Variants in NEK5 observed in about 807,000 individuals in gnomAD.
NEK5 encodes serine/threonine-protein kinase Nek5.
A neutral mutation model predicts 109.2 loss-of-function variants in NEK5; 88 were observed. That is an observed-to-expected ratio of 0.81 (90% CI 0.68 to 0.96). The LOEUF (loss-of-function observed/expected upper bound fraction) is 0.96. Among genes scored for constraint, NEK5 ranks in the 40% least tolerant of loss-of-function variants. The pLI is 0.00. For missense variants in NEK5, 834 were observed against 920.7 expected (o/e 0.91, Z 1.22); for synonymous variants, 283 against 299.9 (o/e 0.94, Z 0.58).
Position 52,104,070 on chromosome 13 carries a change from G to A in NEK5, c.609+428C>T, listed in dbSNP as rs565684591. Among the ~76,000 whole-genome samples the A allele has an allele frequency of 9.2e-5, 14 of 151,980 alleles. No homozygotes were observed. The South Asian group carries it at 2.9e-3, about 32-fold the overall frequency. On this transcript the variant is annotated intron_variant, in intron 9 of 23. Coordinates refer to ENST00000684899, the MANE Select transcript of NEK5 (RefSeq NM_001365552.1). ...TGCCTCCTGGGTTCTAGCAATTCTC[G>A]TGCCTCAGCCTCCCAACTAGCTGGG...
Position 52,075,753 on chromosome 13 carries a change from C to A in NEK5, c.1722+5G>T. 1 of 1,527,832 alleles carries A rather than the reference C, an allele frequency of 6.5e-7. No homozygotes were observed. The highest frequency in any genetic ancestry group is 8.9e-7 in the Non-Finnish European group (1 of 1,125,718). 94.6% of individuals were successfully genotyped at this position (1,527,832 alleles called of 1,614,324 possible). ...ACTAATGGAAATTTAGACTTAATGG[C>A]ATACCTCTTCCTCTTGGAGGATGTT... On this transcript the variant is annotated splice_donor_5th_base_variant and intron_variant, in intron 19 of 23. Coordinates refer to ENST00000684899, the MANE Select transcript of NEK5 (RefSeq NM_001365552.1).
chr13:52,120,507 A>C (rs539051924), intron 3 of NEK5, among the ~76,000 whole-genome samples: 1 of 152,158 alleles, frequency 6.6e-6, no homozygotes, highest in African/African-American at 2.4e-5. Flanking sequence ...AAACACCCCA[A>C]CAGAAAAATA....
intron 23 of NEK5, among the ~76,000 whole-genome samples, chr13:52,043,688 T>C (rs1954433365): frequency 6.6e-6 from 1 of 152,100 alleles, no homozygotes; most frequent in African/African-American, 2.4e-5. Flanking sequence ...AGCAGATATC[T>C]GACAAAGAAC....
intron 11 of NEK5, among the ~76,000 whole-genome samples, chr13:52,100,407 A>G (rs1444836326): frequency 6.6e-6 from 1 of 152,214 alleles, no homozygotes; most frequent in East Asian, 1.9e-4. Flanking sequence ...GATTACAGGC[A>G]TGGGCCACCA....
intron 20 of NEK5, among the ~76,000 whole-genome samples, chr13:52,068,842 G>A (rs114677971): frequency 4.6e-4 from 70 of 152,040 alleles, no homozygotes; most frequent in African/African-American, 1.4e-3. Context: ...GCGTGGTGGC[G>A]CGCACCTATG....
In NEK5 at chr13:52,110,550, G is replaced by C. The variant is rs1438970796; in HGVS notation, c.340C>G (p.Leu114Val). Reference protein sequence around the residue: ...QILGWFVQISLGLKHIHDRKI... With the variant: ...QILGWFVQISVGLKHIHDRKI... ...CTGTCATGAATATGTTTTAGTCCTA[G>C]AGAAATCTGTACAAACCAACCGAGG... is the stretch of plus-strand genomic sequence containing the variant. The change falls in exon 6 of 24, where the codon CTA becomes GTA. Residue 114 changes from leucine to valine, a missense_variant. Transcript: ENST00000684899. 1.2e-6 allele frequency: 2 copies of C among 1,611,876 alleles called. No homozygotes were observed. The highest frequency in any genetic ancestry group is 1.3e-5 in the African/African-American group (1 of 74,834).
Position 52,107,934 on chromosome 13 carries a change from G to C in NEK5, c.554+384C>G, listed in dbSNP as rs571634505. Among the ~76,000 whole-genome samples, 14 of 152,276 alleles carry C rather than the reference G, an allele frequency of 9.2e-5. No individual in the cohort carries two copies. The South Asian group carries it at 2.9e-3, about 32-fold the overall frequency. On this transcript the variant is annotated intron_variant, in intron 8 of 23. Coordinates refer to ENST00000684899, the MANE Select transcript of NEK5 (RefSeq NM_001365552.1). ...GAAAGTCTTCAGGACTCAGACCTTA[G>C]TTATAGATTAAAAGGAGTTAATCAG...
chr13:52,049,044 A>T (rs904597178), intron 23 of NEK5, among the ~76,000 whole-genome samples: 1 of 152,220 alleles, frequency 6.6e-6, no homozygotes, highest in African/African-American at 2.4e-5. Context: ...AGCTTGATTT[A>T]GCTATTCCAC....
At chr13:52,079,684 C>T (rs1954939795) in intron 17 of NEK5, among the ~76,000 whole-genome samples, 1 of 152,292 alleles carries the variant, frequency 6.6e-6, no homozygotes, top group Non-Finnish European at 1.5e-5. Context: ...CCTTGGCCTC[C>T]CAAAGTGCCG....
rs1458204473 is a variant in NEK5 at position 52,089,166 on chromosome 13, T to G, written c.1275+81A>C. 3.4e-6 allele frequency: 3 copies of G among 885,632 alleles called. No homozygotes were observed. The East Asian group carries it at 7.3e-5, about 21-fold the overall frequency. The allele number at this position is 885,632 out of a possible 1,614,324, so 54.9% of individuals were successfully genotyped here. ...GAGTATTCTTGACCTTCTGGTGGAA[T>G]GAACTTTGACTTGAAAATCTGTGAA... On this transcript the variant is annotated intron_variant, in intron 14 of 23. Transcript: ENST00000684899.
chr13:52,091,081 A>C (rs566633564), intron 13 of NEK5, among the ~76,000 whole-genome samples: 25 of 152,262 alleles, frequency 1.6e-4, no homozygotes, highest in Non-Finnish European at 3.2e-4. Flanking sequence ...GACCTCCAGC[A>C]GACAGAAAGC....
intron 13 of NEK5, among the ~76,000 whole-genome samples, chr13:52,090,907 T>G (rs1249792120): frequency 6.6e-6 from 1 of 151,960 alleles, no homozygotes; most frequent in Non-Finnish European, 1.5e-5. Context: ...GCGCCTGTAG[T>G]CCCAGCTACT....
At chr13:52,108,751 G>C (rs1020327274) in intron 7 of NEK5, among the ~76,000 whole-genome samples, 2 of 152,108 alleles carry the variant, frequency 1.3e-5, no homozygotes, top group African/African-American at 4.8e-5. Flanking sequence ...ATGAATAAGG[G>C]AGAAAAAAGT....
intron 16 of NEK5, among the ~76,000 whole-genome samples, chr13:52,084,146 T>C (rs964774817): frequency 2.6e-5 from 4 of 152,224 alleles, no homozygotes; most frequent in Non-Finnish European, 5.9e-5. Context: ...CAGGGCTTAC[T>C]CTATGATTGT....
chr13:52,059,711 A>G (rs1269110931), intron 22 of NEK5, among the ~76,000 whole-genome samples: 1 of 151,458 alleles, frequency 6.6e-6, no homozygotes, highest in Admixed American at 6.6e-5. Flanking sequence ...AGAACAAAAA[A>G]CCAAACACCG....
chr13:52,063,732 C>T (rs1462663938), intron 21 of NEK5, among the ~76,000 whole-genome samples: 1 of 150,970 alleles, frequency 6.6e-6, no homozygotes, highest in Admixed American at 6.6e-5. Context: ...GCGACCCCGT[C>T]TGGGAGGTGA....
At chr13:52,066,173 C>T (rs182193771) in intron 20 of NEK5, among the ~76,000 whole-genome samples, 6 of 152,228 alleles carry the variant, frequency 3.9e-5, no homozygotes, top group Admixed American at 3.9e-4. Flanking sequence ...CAGATCATAT[C>T]CAGGTTATTA....
At chr13:52,083,062 C>A (rs1955046082) in intron 17 of NEK5, among the ~76,000 whole-genome samples, 198 bp downstream of exon 17, 2 of 152,126 alleles carry the variant, frequency 1.3e-5, no homozygotes, top group African/African-American at 4.8e-5. Context: ...CAGGAAATCA[C>A]TTGAACCCAG....
chr13:52,052,339 G>T (rs1954513077), intron 22 of NEK5, among the ~76,000 whole-genome samples: 1 of 152,138 alleles, frequency 6.6e-6, no homozygotes, highest in East Asian at 1.9e-4. Flanking sequence ...CACAGTGAAT[G>T]GTTGTTACTG....
Sources: gnomAD v4.1 joint callset for allele counts (sites outside exome capture counted in the v4.1 genomes callset) on GRCh38, gnomAD v4.1.1 for gene constraint, MANE v1.5 for transcripts, NCBI Gene and HGNC (gene_info 2026-07-23, HGNC 2026-07-21) for gene names.